EPM2A: variants seen among roughly 807,000 people sequenced by gnomAD.
EPM2A encodes EPM2A glucan phosphatase, laforin, also known as laforin.
In EPM2A, 21 loss-of-function variants were observed where a neutral mutation model predicts 26.5. That is an observed-to-expected ratio of 0.79 (90% confidence interval 0.56 to 1.14). The LOEUF (loss-of-function observed/expected upper bound fraction) is 1.14, where lower values mean the gene tolerates loss of function less well. EPM2A is among the 50% of genes most tolerant of loss of function. The pLI, the probability that EPM2A is intolerant of heterozygous loss-of-function variation, is 0.00. For synonymous variants in EPM2A, 217 were observed against 177.6 expected, an observed-to-expected ratio of 1.22 and a Z score of -1.76; for missense variants, 458 against 440.8, an observed-to-expected ratio of 1.04 and a Z score of -0.35.
chr6:145,691,896 A>C (rs1180214970), intron 1 of EPM2A, among the ~76,000 whole-genome samples: 1 of 152,010 alleles, frequency 6.6e-6, no homozygotes, highest in Non-Finnish European at 1.5e-5. Context: ...CATACCAATA[A>C]TTATGTTAAA....
At chr6:145,721,226 T>A (rs749677177) in intron 1 of EPM2A, 7 of 152,168 alleles carry the variant, frequency 4.6e-5, no homozygotes, top group Non-Finnish European at 1.0e-4. Context: ...AAATTCAGGA[T>A]AAAACGCTAC....
Position 145,718,920 on chromosome 6 carries a change from G to T in EPM2A, c.301+16278C>A, listed in dbSNP as rs546526411. On this transcript the variant is annotated intron_variant, in intron 1 of 3. Transcript: ENST00000367519. Reference sequence around the variant, plus strand: ...GAGAAATGCAAATCAAAACCACAATGAGATACCATCTCACACCAGCTACAA... The same window carrying T: ...GAGAAATGCAAATCAAAACCACAATTAGATACCATCTCACACCAGCTACAA... 5.1e-3 allele frequency among the ~76,000 whole-genome samples: 780 copies of T among 152,244 alleles called. 4 individuals are homozygous for T. The highest frequency in any genetic ancestry group is 0.018 in the African/African-American group (755 of 41,528).
At chr6:145,674,626 G>C (rs1322234067) in intron 2 of EPM2A, among the ~76,000 whole-genome samples, 1 of 152,030 alleles carries the variant, frequency 6.6e-6, no homozygotes, top group African/African-American at 2.4e-5. Flanking sequence ...CATGGCACGA[G>C]AACCTTGTGA....
At position 145,491,517 on chromosome 6, in the gene EPM2A, G is replaced by A. The variant is rs143313368; in HGVS notation, c.555+11005C>T. Among the ~76,000 whole-genome samples, 126 of 152,230 alleles carry A rather than the reference G, an allele frequency of 8.3e-4. No homozygotes were observed. The South Asian group carries it at 0.015, about 18-fold the overall frequency. On this transcript the variant is annotated intron_variant, in intron 4 of 4. Coordinates refer to the EPM2A transcript ENST00000638717. ...CTCTGATGTCAAACCAGTCTCTGAT[G>A]TCCAGCTGCTTCTTTTCTTCTCCGG...
intron 1 of EPM2A, 69 bp from the exon 2 acceptor site, chr6:145,686,365 T>C (rs1399572198): frequency 1.9e-5 from 23 of 1,238,378 alleles, no homozygotes; most frequent in South Asian, 2.4e-5. Flanking sequence ...TCAAAGCAGC[T>C]GATACAAAAT....
intron 2 of EPM2A, chr6:145,636,106 T>C (rs997492695): frequency 5.2e-5 from 8 of 152,504 alleles, no homozygotes; most frequent in East Asian, 1.9e-4. Flanking sequence ...GAAATTATCA[T>C]TGAGGTTTAT....
chr6:145,515,948 T>C (rs1248400039), intron 2 of EPM2A, among the ~76,000 whole-genome samples: 2 of 152,150 alleles, frequency 1.3e-5, no homozygotes, highest in African/African-American at 4.8e-5. Context: ...AGGGGAAATA[T>C]CAATACATTT....
chr6:145,434,016 C>A (rs1464539548), intron 4 of EPM2A, among the ~76,000 whole-genome samples: 2 of 151,558 alleles, frequency 1.3e-5, no homozygotes, highest in Non-Finnish European at 2.9e-5. Context: ...TATTATTTTT[C>A]TTTTTTTAAA....
At chr6:145,708,237 C>G (rs1260665548) in intron 1 of EPM2A, among the ~76,000 whole-genome samples, 1 of 152,188 alleles carries the variant, frequency 6.6e-6, no homozygotes, top group African/African-American at 2.4e-5. Context: ...AAGAAAAACG[C>G]ATTTTCTGGG....
intron 4 of EPM2A, among the ~76,000 whole-genome samples, chr6:145,451,886 AT>A (rs10716974): frequency 0.78 from 119,337 of 152,154 alleles, 47,087 homozygotes; most frequent in East Asian, 0.9. Flanking sequence ...ATCGCCATTG[AT>A]TTTTAAGGAG....
intron 2 of EPM2A, among the ~76,000 whole-genome samples, chr6:145,601,264 C>G (rs1315762879): frequency 4.6e-5 from 7 of 152,130 alleles, no homozygotes; most frequent in African/African-American, 1.4e-4. Flanking sequence ...GGTGACCATA[C>G]CTCTCAGAAT....
intron 4 of EPM2A, among the ~76,000 whole-genome samples, chr6:145,412,140 C>G (rs1778651945): frequency 6.7e-6 from 1 of 150,086 alleles, no homozygotes; most frequent in African/African-American, 2.5e-5. Flanking sequence ...TCTCTTGAAC[C>G]TGGGAGGCAG....
chr6:145,436,469 A>G (rs1026687004), intron 4 of EPM2A, among the ~76,000 whole-genome samples: 2 of 152,204 alleles, frequency 1.3e-5, no homozygotes, highest in African/African-American at 4.8e-5. Flanking sequence ...GCAATGCATT[A>G]GGGTTTCAAT....
chr6:145,535,183 A>G (rs149480915), intron 2 of EPM2A, among the ~76,000 whole-genome samples: 2,384 of 152,340 alleles, frequency 0.016, 36 homozygotes, highest in Non-Finnish European at 0.025. Flanking sequence ...ACGCAGCATT[A>G]AACAAGCCAG....
At chr6:145,690,218 A>G (rs1781186023) in intron 1 of EPM2A, among the ~76,000 whole-genome samples, 1 of 152,128 alleles carries the variant, frequency 6.6e-6, no homozygotes, top group Non-Finnish European at 1.5e-5. Context: ...TTTGCATAAG[A>G]GCTAACCTCA....
intron 2 of EPM2A, among the ~76,000 whole-genome samples, chr6:145,561,966 A>G (rs1293414335): frequency 6.6e-6 from 1 of 152,064 alleles, no homozygotes; most frequent in Non-Finnish European, 1.5e-5. Context: ...CTTAAAACCT[A>G]GATGACGGGT....
chr6:145,735,261 G>A lies in EPM2A; in HGVS notation c.238C>T (p.Arg80Cys). The A allele has an allele frequency of 1.3e-6, 2 of 1,523,710 alleles. No homozygotes were observed. Among genetic ancestry groups the A allele is most frequent in the Non-Finnish European group, 8.8e-7 (1 of 1,134,456 alleles). The allele number at this position is 1,523,710 out of a possible 1,614,324, so 94.4% of individuals were successfully genotyped here. Residue 80 changes from arginine (R) to cysteine (C), a missense_variant, in exon 1 of 4, where the codon CGC becomes TGC. Coordinates refer to ENST00000367519, the MANE Select transcript of EPM2A (RefSeq NM_005670.4). ...AACTTGTACCAGAACGTGTCCACGCGGCCCGGCTCCGCCCCGTCCTGCGCC... is the reference window on the plus strand; with the variant it reads ...AACTTGTACCAGAACGTGTCCACGCAGCCCGGCTCCGCCCCGTCCTGCGCC... ...EAAQDGAEPG[R>C]VDTFWYKFLK...
At chr6:145,413,127 G>GA in intron 4 of EPM2A, among the ~76,000 whole-genome samples, 1 of 152,266 alleles carries the variant, frequency 6.6e-6, no homozygotes, top group Non-Finnish European at 1.5e-5. Flanking sequence ...CAGAATCAGG[G>GA]AAAAACAATT....
chr6:145,677,335 G>A (rs1380562498), intron 2 of EPM2A, among the ~76,000 whole-genome samples: 1 of 152,128 alleles, frequency 6.6e-6, no homozygotes, highest in African/African-American at 2.4e-5. Flanking sequence ...TATACTGAAT[G>A]GGCAAAAATT....
Sources: gnomAD v4.1 joint callset for allele counts (sites outside exome capture counted in the v4.1 genomes callset) on GRCh38, gnomAD v4.1.1 for gene constraint, MANE v1.5 for transcripts, NCBI Gene and HGNC (gene_info 2026-07-23, HGNC 2026-07-21) for gene names.